The following PTPN2 variants were observed in gnomAD, a reference collection of about 807,000 sequenced individuals.
PTPN2 encodes the protein protein tyrosine phosphatase non-receptor type 2, also known as tyrosine-protein phosphatase non-receptor type 2.
Under a neutral mutation model 57.3 loss-of-function variants are expected in PTPN2, and 19 were observed. The ratio of observed to expected loss-of-function variants is 0.33; its 90% CI spans 0.23 to 0.49. The LOEUF (loss-of-function observed/expected upper bound fraction) is 0.49. Ranked by LOEUF, PTPN2 falls within the 20% of genes least tolerant of loss-of-function variation. The probability of loss-of-function intolerance (pLI) is 0.99; values close to 1 mark genes in which losing one functional copy is unlikely to be tolerated. For synonymous variants in PTPN2, 153 were observed against 164.9 expected (o/e 0.93, Z 0.55); for missense variants, 358 against 501.1 (o/e 0.71, Z 2.73).
chr18:12,840,535 T>C (rs1411976727), intron 2 of PTPN2, among the ~76,000 whole-genome samples: 3 of 152,180 alleles, frequency 2.0e-5, no homozygotes, highest in South Asian at 2.1e-4. Flanking sequence ...GCCTACGACA[T>C]GTCAGGTTTG....
chr18:12,786,087 T>C (rs973279244), intron 9 of PTPN2: 4 of 510,036 alleles, frequency 7.8e-6, no homozygotes, highest in Non-Finnish European at 1.0e-5. Flanking sequence ...TCGTGACTTA[T>C]ATTCTTCTTC....
rs532565776 is a variant in PTPN2 at position 12,807,716 on chromosome 18, T to C, written c.859-5565A>G. Among the ~76,000 whole-genome samples the C allele has an allele frequency of 2.9e-3, 440 of 150,544 alleles. 1 individual carries two copies. The highest frequency in any genetic ancestry group is 0.01 in the African/African-American group (430 of 41,074). On this transcript the variant is annotated intron_variant, in intron 7 of 8. Coordinates refer to ENST00000309660, the MANE Select transcript of PTPN2 (RefSeq NM_002828.4). ...ACACAAAGACAAATACTGTATGTTCTCACTCATATGTGGAATCTAAAAATG... is the reference window on the plus strand; with the variant it reads ...ACACAAAGACAAATACTGTATGTTCCCACTCATATGTGGAATCTAAAAATG...
At chr18:12,819,599 T>C (rs1030839684) in intron 5 of PTPN2, among the ~76,000 whole-genome samples, 1 of 151,602 alleles carries the variant, frequency 6.6e-6, no homozygotes, top group Admixed American at 6.6e-5. Flanking sequence ...GAATGCACTG[T>C]CAAAAGTCAC....
chr18:12,818,413 C>T (rs920487212), intron 5 of PTPN2, among the ~76,000 whole-genome samples: 3 of 152,168 alleles, frequency 2.0e-5, no homozygotes, highest in Non-Finnish European at 4.4e-5. Flanking sequence ...TGCTGATGTG[C>T]TAAAGTGGTT....
At chr18:12,794,511 AG>A (rs1231484610) in intron 8 of PTPN2, 26 bp from the exon 9 acceptor site, 14 of 1,607,876 alleles carry the variant, frequency 8.7e-6, no homozygotes, top group Non-Finnish European at 1.1e-5. Flanking sequence ...AACAAGTGAA[AG>A]GAAGTGCACA....
In PTPN2 at chr18:12,793,028, A is replaced by G. The variant is rs2041030503; in HGVS notation, c.*1250T>C. The G allele has an allele frequency of 2.0e-6, 2 of 985,454 alleles. No individual in the cohort carries two copies. Among genetic ancestry groups the G allele is most frequent in the South Asian group, 9.4e-5 (2 of 21,290 alleles). 61.0% of individuals were successfully genotyped at this position (985,454 alleles called of 1,614,324 possible). On this transcript the variant is annotated 3_prime_UTR_variant, in exon 9 of 9. Transcript: ENST00000309660. ...TGACCCACCTGGACATCCAATGAGC[A>G]TAGTTTGAAAACCACTGAAATAAGG...
chr18:12,816,176 G>A (rs1486341924), intron 6 of PTPN2, among the ~76,000 whole-genome samples: 1 of 152,088 alleles, frequency 6.6e-6, no homozygotes, highest in Non-Finnish European at 1.5e-5. Context: ...TGGGTGTGGT[G>A]GTGCAGGCAG....
intron 5 of PTPN2, 144 bp downstream of exon 5, chr18:12,825,666 C>A (rs994025676): frequency 3.0e-6 from 2 of 656,006 alleles, no homozygotes; most frequent in Non-Finnish European, 4.7e-6. Flanking sequence ...GATGCAGACA[C>A]ACAATCTAAA....
chr18:12,794,099 A>C lies in PTPN2; in HGVS notation c.*179T>G, dbSNP rs1484636238. On this transcript the variant is annotated 3_prime_UTR_variant, in exon 9 of 9. Transcript: ENST00000309660. ...CCATTTACAGTTTGGGGTTCAGAGG[A>C]ACCTGCAGTCAAGAGTCCTGAGATG... is the stretch of plus-strand genomic sequence containing the variant. The C allele has an allele frequency of 7.0e-7, 1 of 1,435,368 alleles. No homozygotes were observed. The highest frequency in any genetic ancestry group is 1.4e-5 in the African/African-American group (1 of 69,690). The allele number at this position is 1,435,368 out of a possible 1,614,324, so 88.9% of individuals were successfully genotyped here.
intron 2 of PTPN2, chr18:12,841,083 G>C: frequency 9.9e-7 from 1 of 1,011,718 alleles, no homozygotes; most frequent in Non-Finnish European, 1.3e-6. Context: ...ATTAAGCCGT[G>C]ACTCTGAGTA....
intron 3 of PTPN2, among the ~76,000 whole-genome samples, chr18:12,834,202 C>T (rs1003958620): frequency 6.6e-6 from 1 of 151,872 alleles, no homozygotes; most frequent in African/African-American, 2.4e-5. Context: ...TGGTGAGCAC[C>T]TGTAATCCCA....
At chr18:12,876,897 C>T (rs1486078193) in intron 1 of PTPN2, among the ~76,000 whole-genome samples, 1 of 152,202 alleles carries the variant, frequency 6.6e-6, no homozygotes, top group African/African-American at 2.4e-5. Flanking sequence ...CCCTCCTAGC[C>T]ATCAAAATTA....
At chr18:12,861,904 T>C (rs2043820113) in intron 1 of PTPN2, among the ~76,000 whole-genome samples, 1 of 152,302 alleles carries the variant, frequency 6.6e-6, no homozygotes, top group East Asian at 1.9e-4. Flanking sequence ...AGGCCCCCAG[T>C]ATAGTAGTAG....
exon 1 of PTPN2, chr18:12,884,226 TGCGGCGCATGCGCGCTGCGCGCC>T (rs2044787227): frequency 3.0e-6 from 3 of 998,338 alleles, no homozygotes; most frequent in South Asian, 4.4e-5. Flanking sequence ...GCGCTGGCGC[TGCGGCGCATGCGCGCTGCGCGCC>T]GCGCCCCGCC....
intron 2 of PTPN2, among the ~76,000 whole-genome samples, chr18:12,852,674 C>T (rs1598851129): frequency 1.3e-5 from 2 of 152,184 alleles, no homozygotes; most frequent in South Asian, 4.1e-4. Context: ...AGCTGCTGCA[C>T]CCAGCCCAAA....
chr18:12,830,410 G>C (rs2042631208), intron 4 of PTPN2, among the ~76,000 whole-genome samples: 1 of 152,170 alleles, frequency 6.6e-6, no homozygotes, highest in African/African-American at 2.4e-5. Context: ...TGGGATTACA[G>C]GTTTGAGGCA....
intron 7 of PTPN2, among the ~76,000 whole-genome samples, chr18:12,803,766 A>G (rs2041516122): frequency 6.6e-6 from 1 of 152,212 alleles, no homozygotes; most frequent in Admixed American, 6.5e-5. Context: ...ATAGACTGCA[A>G]TACAATAATA....
chr18:12,843,731 G>T (rs1291522652), intron 2 of PTPN2, among the ~76,000 whole-genome samples: 1 of 152,222 alleles, frequency 6.6e-6, no homozygotes, highest in Non-Finnish European at 1.5e-5. Flanking sequence ...TCCTAGCAAT[G>T]CGCTGTCCAG....
At chr18:12,872,054 AAAAAC>A (rs1360817468) in intron 1 of PTPN2, among the ~76,000 whole-genome samples, 21 of 78,958 alleles carry the variant, frequency 2.7e-4, no homozygotes, top group African/African-American at 1.1e-3. Flanking sequence ...GTCTCAAAAA[AAAAAC>A]AAAAAAACAA....
Sources: allele counts gnomAD v4.1 joint callset (sites outside exome capture counted in the v4.1 genomes callset), GRCh38; gene constraint gnomAD v4.1.1; transcripts MANE v1.5; gene names NCBI Gene and HGNC (gene_info 2026-07-23, HGNC 2026-07-21).